OR2J3: variants seen among roughly 807,000 people sequenced by gnomAD.
OR2J3 encodes the protein olfactory receptor 2J3.
A neutral mutation model predicts 18.5 loss-of-function variants in OR2J3; 13 were observed. That is an observed-to-expected ratio of 0.70 (90% CI 0.46 to 1.12). The LOEUF (loss-of-function observed/expected upper bound fraction) is 1.12. Ranked by LOEUF, OR2J3 falls within the 50% of genes most tolerant of loss-of-function variation. The pLI is 0.00. For missense variants in OR2J3, 321 were observed against 371.6 expected, an observed-to-expected ratio of 0.86 and a Z score of 1.12; for synonymous variants, 142 against 140.6, an observed-to-expected ratio of 1.01 and a Z score of -0.07.
In OR2J3 at chr6:29,113,011, T is replaced by G; in HGVS notation, c.*185T>G. 1 of 637,318 alleles carries G rather than the reference T, an allele frequency of 1.6e-6. No homozygotes were observed. The highest frequency in any genetic ancestry group is 2.6e-6 in the Non-Finnish European group (1 of 385,022). 39.5% of individuals were successfully genotyped at this position (637,318 alleles called of 1,614,324 possible). ...TAAAACACAGTCAGCCTAAATACCATTCACTTGTGGAGAAAACAGCTATGT... is the reference window on the plus strand; with the variant it reads ...TAAAACACAGTCAGCCTAAATACCAGTCACTTGTGGAGAAAACAGCTATGT... On this transcript the variant is annotated 3_prime_UTR_variant, in exon 4 of 4. Transcript: ENST00000641151.
chr6:29,111,693 T>G, intron 3 of OR2J3, 188 bp from the exon 4 acceptor site: 4 of 544,446 alleles, frequency 7.3e-6, no homozygotes, highest in Non-Finnish European at 1.3e-5. Context: ...TTCTTTTACT[T>G]TTTATATCAG....
intron 3 of OR2J3, among the ~76,000 whole-genome samples, chr6:29,110,869 A>G (rs1273018722): frequency 1.5e-5 from 2 of 135,932 alleles, no homozygotes; most frequent in African/African-American, 6.6e-5. Context: ...CTATCTATCT[A>G]TCTATCTATC....
In OR2J3 at chr6:29,112,724, C is replaced by G. The variant is rs1245488555; in HGVS notation, c.834C>G (p.Ala278=). Residue 278 remains alanine, a synonymous_variant, in exon 4 of 4, where the codon GCC becomes GCG. Transcript: ENST00000641151. ...GNSQDQGKFI[A]LFYTVVTPSL... Reference sequence around the variant, plus strand: ...CTCAAGATCAAGGCAAGTTCATTGCCCTCTTTTATACTGTTGTCACACCTA... The same window carrying G: ...CTCAAGATCAAGGCAAGTTCATTGCGCTCTTTTATACTGTTGTCACACCTA... 6.2e-7 allele frequency: 1 copy of G among 1,613,918 alleles called. No individual in the cohort carries two copies. Among genetic ancestry groups the G allele is most frequent in the Non-Finnish European group, 8.5e-7 (1 of 1,179,990 alleles).
intron 3 of OR2J3, among the ~76,000 whole-genome samples, chr6:29,110,200 TC>T (rs1266106943): frequency 6.6e-6 from 1 of 152,178 alleles, no homozygotes; most frequent in Non-Finnish European, 1.5e-5. Context: ...ATCACTGTTC[TC>T]CCCAGATTTT....
chr6:29,108,940 C>T (rs572169330), intron 3 of OR2J3, 65 bp downstream of exon 3: 1 of 152,150 alleles, frequency 6.6e-6, no homozygotes, highest in South Asian at 2.1e-4. Flanking sequence ...TAAGATTGCT[C>T]AAAGATGGGT....
chr6:29,110,412 T>C (rs1048231667), intron 3 of OR2J3, among the ~76,000 whole-genome samples: 3 of 152,216 alleles, frequency 2.0e-5, no homozygotes, highest in African/African-American at 7.2e-5. Flanking sequence ...ATTTTCCACA[T>C]ATCTTTTCAT....
chr6:29,112,701 C>G lies in OR2J3; in HGVS notation c.811C>G (p.Gln271Glu). 1 of 1,614,110 alleles carries G rather than the reference C, an allele frequency of 6.2e-7. No homozygotes were observed. Among genetic ancestry groups the G allele is most frequent in the Non-Finnish European group, 8.5e-7 (1 of 1,180,010 alleles). Residue 271 changes from glutamine (Q) to glutamate (E), a missense_variant, in exon 4 of 4, where the codon CAA becomes GAA. By Grantham distance (29) the Gln-to-Glu change is conservative. Coordinates refer to ENST00000641151, the MANE Select transcript of OR2J3 (RefSeq NM_001005216.4). ...MYLQPPSGNS[Q>E]DQGKFIALFY... ...TCTCCAGCCACCATCAGGAAATTCT[C>G]AAGATCAAGGCAAGTTCATTGCCCT... is the stretch of plus-strand genomic sequence containing the variant.
chr6:29,112,530 C>G lies in OR2J3; in HGVS notation c.640C>G (p.Leu214Val). 6.2e-7 allele frequency: 1 copy of G among 1,614,124 alleles called. No homozygotes were observed. The highest frequency in any genetic ancestry group is 8.5e-7 in the Non-Finnish European group (1 of 1,180,000). Reference protein sequence around the residue: ...ITSSIFVLIPLILILTSYGAI... With the variant: ...ITSSIFVLIPVILILTSYGAI... ...AAGCTCCATATTTGTTCTCATACCTCTCATCCTCATTCTCACTTCTTATGG... is the reference window on the plus strand; with the variant it reads ...AAGCTCCATATTTGTTCTCATACCTGTCATCCTCATTCTCACTTCTTATGG... The change falls in exon 4 of 4, where the codon CTC (leucine) becomes GTC (valine). Residue 214 changes from leucine to valine, a missense_variant. By Grantham distance (32) the Leu-to-Val change is conservative. Transcript: ENST00000641151.
In OR2J3 at chr6:29,114,443, TCCC is replaced by T. The variant is rs35470212; in HGVS notation, c.*1623_*1625del. 1.7e-5 allele frequency: 1 copy of T among 57,996 alleles called. No homozygotes were observed. Among genetic ancestry groups the T allele is most frequent in the African/African-American group, 4.7e-5 (1 of 21,206 alleles). 3.6% of individuals were successfully genotyped at this position (57,996 alleles called of 1,614,324 possible). ...TCCTGGTTTCTCACCTACTCAAATA[TCCC>T]CCCCCTCCCCATCTTTATTAAGGAT... On this transcript the variant is annotated 3_prime_UTR_variant, in exon 4 of 4. Transcript: ENST00000641151.
At chr6:29,111,777 G>A (rs567398764) in intron 3 of OR2J3, 104 bp from the exon 4 acceptor site, 12 of 991,344 alleles carry the variant, frequency 1.2e-5, no homozygotes, top group Middle Eastern at 2.2e-4. Context: ...TTAAATGATG[G>A]CAAGCCCTTC....
intron 3 of OR2J3, among the ~76,000 whole-genome samples, chr6:29,110,762 CA>C (rs1397600686): frequency 2.0e-5 from 3 of 152,004 alleles, no homozygotes; most frequent in Non-Finnish European, 4.4e-5. Context: ...AAAAGTAGTA[CA>C]AAAGACTAAC....
At chr6:29,109,554 T>C (rs1198712512) in intron 3 of OR2J3, 1 of 152,008 alleles carries the variant, frequency 6.6e-6, no homozygotes, top group Non-Finnish European at 1.5e-5. Flanking sequence ...CATAGCCAAT[T>C]GGGAGGTATA....
At chr6:29,111,826 T>C in intron 3 of OR2J3, 55 bp from the exon 4 acceptor site, 4 of 1,502,032 alleles carry the variant, frequency 2.7e-6, no homozygotes, top group Non-Finnish European at 3.6e-6. Context: ...TGCTGATATT[T>C]TTGGATCATT....
Position 29,113,623 on chromosome 6 carries a change from A to G in OR2J3, c.*797A>G, listed in dbSNP as rs1302565331. The stretch of plus-strand genomic sequence containing the variant: ...AGGAACTAAGGAAAACATTTGAGGC[A>G]AATAGAGAGGCTCTGAAAATGACTT... On this transcript the variant is annotated 3_prime_UTR_variant, in exon 4 of 4. Transcript: ENST00000641151. The G allele has an allele frequency of 1.3e-5, 2 of 152,198 alleles. No individual in the cohort carries two copies. Among genetic ancestry groups the G allele is most frequent in the Non-Finnish European group, 2.9e-5 (2 of 68,032 alleles). 9.4% of individuals were successfully genotyped at this position (152,198 alleles called of 1,614,324 possible).
rs971208760 is a variant in OR2J3 at position 29,114,063 on chromosome 6, C to G, written c.*1237C>G. 6.6e-6 allele frequency: 1 copy of G among 152,152 alleles called. No homozygotes were observed. The highest frequency in any genetic ancestry group is 1.9e-4 in the East Asian group (1 of 5,202). The allele number at this position is 152,152 out of a possible 1,614,324, so 9.4% of individuals were successfully genotyped here. ...GATTTAGATATGATTGATTCACACA[C>G]TATTTCCTAAATTATTATAAAAATA... On this transcript the variant is annotated 3_prime_UTR_variant, in exon 4 of 4. Coordinates refer to ENST00000641151, the MANE Select transcript of OR2J3 (RefSeq NM_001005216.4).
In OR2J3 at chr6:29,112,081, T is replaced by A; in HGVS notation, c.191T>A (p.Phe64Tyr). 10 of 1,614,122 alleles carry A rather than the reference T, an allele frequency of 6.2e-6. No homozygotes were observed. Among genetic ancestry groups the A allele is most frequent in the Non-Finnish European group, 8.5e-6 (10 of 1,180,042 alleles). ...TCCCATCTGCACACACCAATGTACT[T>A]CTTCCTTTCAAACCTCTCATTTCTG... ...LDSHLHTPMY[F>Y]FLSNLSFLDL... Residue 64 changes from phenylalanine (F) to tyrosine (Y), a missense_variant, in exon 4 of 4, where the codon TTC (phenylalanine) becomes TAC (tyrosine). Transcript: ENST00000641151.
rs1486159136 is a variant in OR2J3, at chr6:29,112,792, GA to G, written c.903del (p.Ala303GlnfsTer2). ...LIYTLRNKVVRGAVKRLMGWE is the reference protein window; with the variant it reads ...LIYTLRNKVVXGAVKRLMGWE ...TACACCCTCAGAAACAAAGTTGTAA[GA>G]GGGGCAGTGAAGAGACTAATGGGGT... On this transcript the variant is annotated frameshift_variant, in exon 4 of 4. Transcript: ENST00000641151. LOFTEE classifies it high-confidence loss of function. 1.4e-5 allele frequency: 22 copies of G among 1,613,674 alleles called. No homozygotes were observed. Among genetic ancestry groups the G allele is most frequent in the Non-Finnish European group, 1.8e-5 (21 of 1,179,818 alleles).
rs899989892 is a variant in OR2J3, at chr6:29,114,573, C to A, written c.*1747C>A. The A allele has an allele frequency of 6.6e-6, 1 of 152,114 alleles. No individual in the cohort carries two copies. Among genetic ancestry groups the A allele is most frequent in the South Asian group, 2.1e-4 (1 of 4,818 alleles). The allele number at this position is 152,114 out of a possible 1,614,324, so 9.4% of individuals were successfully genotyped here. ...AGCTAATTAACAGATCATTAACTCA[C>A]ATACTTACCTGTTTTGTGGTGAGAA... On this transcript the variant is annotated 3_prime_UTR_variant, in exon 4 of 4. Transcript: ENST00000641151.
Position 29,112,953 on chromosome 6 carries a change from C to A in OR2J3, c.*127C>A, listed in dbSNP as rs1762206611. On this transcript the variant is annotated 3_prime_UTR_variant, in exon 4 of 4. Coordinates refer to ENST00000641151, the MANE Select transcript of OR2J3 (RefSeq NM_001005216.4). ...AGCACTTGCTGAGCATGTACTCTAA[C>A]AAGGTCGTGGAGTTCCTGGTAACAG... 3 of 1,209,730 alleles carry A rather than the reference C, an allele frequency of 2.5e-6. No homozygotes were observed. Among genetic ancestry groups the A allele is most frequent in the South Asian group, 1.6e-5 (1 of 62,200 alleles). The allele number at this position is 1,209,730 out of a possible 1,614,324, so 74.9% of individuals were successfully genotyped here.
Sources: gnomAD v4.1 joint callset for allele counts (sites outside exome capture counted in the v4.1 genomes callset) on GRCh38, gnomAD v4.1.1 for gene constraint, MANE v1.5 for transcripts, NCBI Gene and HGNC (gene_info 2026-07-23, HGNC 2026-07-21) for gene names.